The following PTPRT variants were observed in gnomAD, a reference collection of about 807,000 sequenced individuals.
The protein encoded by PTPRT is receptor-type tyrosine-protein phosphatase T.
PTPRT carries 56 observed loss-of-function variants against 176.8 expected under a neutral mutation model. The ratio of observed to expected loss-of-function variants is 0.32; its 90% CI spans 0.26 to 0.40. The LOEUF is 0.40. Among genes scored for constraint, PTPRT ranks in the 10% least tolerant of loss-of-function variants. The probability of loss-of-function intolerance (pLI) is 1.00; values close to 1 mark genes in which losing one functional copy is unlikely to be tolerated. For synonymous variants in PTPRT, 783 were observed against 739.0 expected (o/e 1.06, Z -0.96); for missense variants, 1,540 against 1,908.2 (o/e 0.81, Z 3.60).
At chr20:43,019,617 CA>C (rs539102745) in intron 1 of PTPRT, among the ~76,000 whole-genome samples, 3,122 of 56,114 alleles carry the variant, frequency 0.056, 83 homozygotes, top group African/African-American at 0.14. Context: ...GACACCGTCT[CA>C]AAAAAAAAAA....
chr20:42,166,159 A>G (rs1443937362), intron 16 of PTPRT, among the ~76,000 whole-genome samples: 3 of 152,236 alleles, frequency 2.0e-5, no homozygotes, highest in Admixed American at 6.5e-5. Context: ...ATGCAGGTGC[A>G]CACAGACTTA....
At chr20:43,042,907 A>T (rs144336858) in intron 1 of PTPRT, among the ~76,000 whole-genome samples, 19 of 151,890 alleles carry the variant, frequency 1.3e-4, no homozygotes, top group African/African-American at 4.3e-4. Context: ...TTCTCCTCCT[A>T]TTTTGCCTGT....
At chr20:42,630,276 C>A (rs1452835267) in intron 7 of PTPRT, among the ~76,000 whole-genome samples, 3 of 152,174 alleles carry the variant, frequency 2.0e-5, no homozygotes, top group East Asian at 3.9e-4. Context: ...AGAACCAACA[C>A]ATCCAGGCAA....
chr20:42,188,479 C>T (rs1167905132), intron 16 of PTPRT, among the ~76,000 whole-genome samples: 1 of 152,028 alleles, frequency 6.6e-6, no homozygotes, highest in Non-Finnish European at 1.5e-5. Flanking sequence ...CCTCAGTTTC[C>T]ATAACATGCC....
chr20:42,066,200 G>A, the PTPRT span, among the ~76,000 whole-genome samples: 10 of 138,888 alleles, frequency 7.2e-5, no homozygotes, highest in East Asian at 1.6e-3. Flanking sequence ...CCACCATGAC[G>A]GCTGATTTTT....
chr20:42,657,856 C>A (rs2075153025), intron 7 of PTPRT, among the ~76,000 whole-genome samples: 1 of 152,014 alleles, frequency 6.6e-6, no homozygotes, highest in Admixed American at 6.6e-5. Flanking sequence ...GGCTGTAACA[C>A]CTCACCAGTT....
intron 2 of PTPRT, among the ~76,000 whole-genome samples, chr20:42,825,236 A>G (rs2077971732): frequency 6.6e-6 from 1 of 152,132 alleles, no homozygotes; most frequent in South Asian, 2.1e-4. Flanking sequence ...CCAATTGAAT[A>G]ATCCCAATCT....
chr20:42,242,266 GT>G (rs1254746023), intron 14 of PTPRT, among the ~76,000 whole-genome samples: 1 of 152,194 alleles, frequency 6.6e-6, no homozygotes, highest in Non-Finnish European at 1.5e-5. Context: ...ATTTAGGTCT[GT>G]TCTCTGAGTG....
At chr20:42,390,519 T>C (rs1033493925) in intron 9 of PTPRT, among the ~76,000 whole-genome samples, 1 of 152,216 alleles carries the variant, frequency 6.6e-6, no homozygotes, top group Non-Finnish European at 1.5e-5. Context: ...CATCCAGATG[T>C]AGTACTCTGC....
At chr20:42,304,591 C>T (rs1216126613) in intron 12 of PTPRT, among the ~76,000 whole-genome samples, 18 of 152,124 alleles carry the variant, frequency 1.2e-4, no homozygotes, top group Admixed American at 1.0e-3. Context: ...GGAAAGACCC[C>T]ATGCTAGACA....
intron 12 of PTPRT, among the ~76,000 whole-genome samples, chr20:42,310,604 G>C (rs1369851259): frequency 6.6e-6 from 1 of 152,142 alleles, no homozygotes; most frequent in Non-Finnish European, 1.5e-5. Flanking sequence ...ACAATGTGTT[G>C]CTAAGAATGC....
In PTPRT at chr20:42,448,266, T is replaced by C. The variant is rs767995055; in HGVS notation, c.1514A>G (p.Gln505Arg). 39 of 1,613,502 alleles carry C rather than the reference T, an allele frequency of 2.4e-5. No individual in the cohort carries two copies. Among genetic ancestry groups the C allele is most frequent in the Non-Finnish European group, 4.2e-6 (5 of 1,179,600 alleles). The stretch of plus-strand genomic sequence containing the variant: ...ATTGGTCTCATTGGGAGGTTTCCAC[T>C]GGATGTAGATCTTCTCCTCAAAGGG... Reference protein sequence around the residue: ...GGPFEEKIYIQWKPPNETNGV... With the variant: ...GGPFEEKIYIRWKPPNETNGV... Residue 505 changes from glutamine to arginine, a missense_variant, in exon 9 of 31, where the codon CAG becomes CGG. Gln to Arg is a conservative substitution (Grantham distance 43, BLOSUM62 1). Around this residue, in one of 11 missense-constraint regions of PTPRT, gnomAD observed 136 missense variants for 135.0 expected, o/e 1.01. Transcript: ENST00000373187.
At chr20:42,452,259 C>A in intron 8 of PTPRT, among the ~76,000 whole-genome samples, 1 of 146,296 alleles carries the variant, frequency 6.8e-6, no homozygotes, top group Admixed American at 6.8e-5. Context: ...CAGACTGAGA[C>A]TCCATCTCAA....
rs187971268 is a variant in PTPRT at position 42,704,371 on chromosome 20, C to T, written c.860-26212G>A. ...CTCCCTCACTACAATAAGTCATAAACCCAACTTGTTCAACTATGGGTGTGT... is the reference window on the plus strand; with the variant it reads ...CTCCCTCACTACAATAAGTCATAAATCCAACTTGTTCAACTATGGGTGTGT... On this transcript the variant is annotated intron_variant, in intron 6 of 30. Coordinates refer to ENST00000373187, the MANE Select transcript of PTPRT (RefSeq NM_007050.6). Among the ~76,000 whole-genome samples, 17 of 151,926 alleles carry T rather than the reference C, an allele frequency of 1.1e-4. No individual in the cohort carries two copies. The East Asian group carries it at 3.3e-3, about 29-fold the overall frequency.
At chr20:42,322,797 G>T (rs1046227643) in intron 11 of PTPRT, among the ~76,000 whole-genome samples, 10 of 151,994 alleles carry the variant, frequency 6.6e-5, no homozygotes, top group Non-Finnish European at 8.8e-5. Flanking sequence ...CACAGCAAAA[G>T]AAACTACCAT....
At chr20:42,915,642 G>A (rs2145941822) in intron 1 of PTPRT, among the ~76,000 whole-genome samples, 1 of 152,206 alleles carries the variant, frequency 6.6e-6, no homozygotes, top group East Asian at 1.9e-4. Flanking sequence ...TTTATTTTCA[G>A]AAAGGGTCTC....
Position 42,073,646 on chromosome 20 carries a change from G to T in PTPRT, c.*7233C>A, listed in dbSNP as rs1192635298. 56 of 225,444 alleles carry T rather than the reference G, an allele frequency of 2.5e-4. No individual in the cohort carries two copies. The East Asian group carries it at 3.6e-3, about 14-fold the overall frequency. 14.0% of individuals were successfully genotyped at this position (225,444 alleles called of 1,614,324 possible). A position where few individuals can be genotyped will look rare whatever the true frequency, so the allele number is the denominator to read the frequency against. Reference sequence around the variant, plus strand: ...TATGGCAAAGCAGCTGTTCCCTATGGTTTGCTGTTTGGTGATAACCAGCCT... The same window carrying T: ...TATGGCAAAGCAGCTGTTCCCTATGTTTTGCTGTTTGGTGATAACCAGCCT... On this transcript the variant is annotated 3_prime_UTR_variant, in exon 31 of 31. Coordinates refer to ENST00000373187, the MANE Select transcript of PTPRT (RefSeq NM_007050.6).
At chr20:42,947,907 T>C (rs951634560) in intron 1 of PTPRT, among the ~76,000 whole-genome samples, 3 of 152,164 alleles carry the variant, frequency 2.0e-5, no homozygotes, top group East Asian at 1.9e-4. Flanking sequence ...CAGGGAATTA[T>C]GTCTGTCTTG....
chr20:42,446,844 G>C (rs894946688), intron 9 of PTPRT, among the ~76,000 whole-genome samples: 2 of 152,052 alleles, frequency 1.3e-5, no homozygotes, highest in Non-Finnish European at 2.9e-5. Flanking sequence ...ATAAGTGATG[G>C]GGATGGATGT....
Sources: allele counts gnomAD v4.1 joint callset (sites outside exome capture counted in the v4.1 genomes callset), GRCh38; gene constraint gnomAD v4.1.1; regional missense constraint gnomAD v4.1.1; transcripts MANE v1.5; gene names NCBI Gene and HGNC (gene_info 2026-07-23, HGNC 2026-07-21).